The following RUNX1 variants were observed in gnomAD, a reference collection of about 807,000 sequenced individuals.
RUNX1 encodes runt-related transcription factor 1.
Under a neutral mutation model 42.8 loss-of-function variants are expected in RUNX1, and 19 were observed. The ratio of observed to expected loss-of-function variants is 0.44; its 90% CI spans 0.31 to 0.65. The LOEUF (loss-of-function observed/expected upper bound fraction) is 0.65, where lower values mean the gene tolerates loss of function less well. RUNX1 is among the 30% of genes least tolerant of loss of function. The pLI, the probability that RUNX1 is intolerant of heterozygous loss-of-function variation, is 0.07. For missense variants in RUNX1, 528 were observed against 672.0 expected (o/e 0.79, Z 2.37); for synonymous variants, 271 against 289.4 (o/e 0.94, Z 0.64).
intron 2 of RUNX1, among the ~76,000 whole-genome samples, chr21:34,997,764 G>A (rs1421309624): frequency 6.6e-6 from 1 of 152,222 alleles, no homozygotes; most frequent in Non-Finnish European, 1.5e-5. Context: ...TTGGAGCTTA[G>A]TGCAGAAGGG....
At chr21:34,827,779 C>A (rs1041359710) in intron 7 of RUNX1, among the ~76,000 whole-genome samples, 2 of 152,200 alleles carry the variant, frequency 1.3e-5, no homozygotes, top group Non-Finnish European at 2.9e-5. Context: ...CCTTGATGGT[C>A]TCTATGTGGT....
At chr21:34,884,563 A>G (rs946530414) in intron 4 of RUNX1, among the ~76,000 whole-genome samples, 4 of 152,238 alleles carry the variant, frequency 2.6e-5, no homozygotes, top group Admixed American at 2.0e-4. Flanking sequence ...GTGGGCAGAT[A>G]GAGTGAAGCC....
chr21:34,821,445 T>A, intron 7 of RUNX1: 3 of 1,362,312 alleles, frequency 2.2e-6, no homozygotes, highest in Non-Finnish European at 2.9e-6. Context: ...GCTAACTCAT[T>A]TAATCCTCAC....
chr21:34,856,896 T>C (rs1276929229), intron 6 of RUNX1, among the ~76,000 whole-genome samples: 1 of 152,208 alleles, frequency 6.6e-6, no homozygotes, highest in Non-Finnish European at 1.5e-5. Context: ...TATGTTACAC[T>C]GGAAAGCAAC....
intron 2 of RUNX1, among the ~76,000 whole-genome samples, chr21:35,029,532 G>A (rs930434219): frequency 2.0e-5 from 3 of 152,170 alleles, no homozygotes; most frequent in Admixed American, 6.5e-5. Context: ...GGTTGGTGCT[G>A]GCAACCTACA....
rs2146407273 is a variant in RUNX1 at position 34,886,823 on chromosome 21, C to T, written c.351+20G>A. 6.2e-7 allele frequency: 1 copy of T among 1,612,378 alleles called. No individual in the cohort carries two copies. The highest frequency in any genetic ancestry group is 8.5e-7 in the Non-Finnish European group (1 of 1,179,724). ...CGCCGGCCTCCGCCTGTCCTCCCAC[C>T]ACCCTCTCCGGGCCAGTACCTTGAA... On this transcript the variant is annotated intron_variant, in intron 4 of 8. Transcript: ENST00000675419.
At chr21:34,999,872 A>C (rs1601656385) in intron 2 of RUNX1, among the ~76,000 whole-genome samples, 1 of 152,200 alleles carries the variant, frequency 6.6e-6, no homozygotes, top group Non-Finnish European at 1.5e-5. Context: ...ATTCAACAGA[A>C]AGGAACCTGC....
Position 34,919,546 on chromosome 21 carries a change from C to T in RUNX1, c.59-26583G>A, listed in dbSNP as rs558063606. ...CCTTTTGCTGCAATAAGTCTGGGGG[C>T]TTCACTCACTCCTTAGTGGCTTATT... On this transcript the variant is annotated intron_variant, in intron 2 of 8. Coordinates refer to ENST00000675419, the MANE Select transcript of RUNX1 (RefSeq NM_001754.5). 7.2e-4 allele frequency among the ~76,000 whole-genome samples: 110 copies of T among 152,304 alleles called. 1 individual carries two copies. Among genetic ancestry groups the T allele is most frequent in the African/African-American group, 2.2e-3 (92 of 41,560 alleles).
chr21:34,932,263 T>C (rs575070193), intron 2 of RUNX1, among the ~76,000 whole-genome samples: 4 of 152,326 alleles, frequency 2.6e-5, no homozygotes, highest in Non-Finnish European at 4.4e-5. Context: ...AATAAATTAA[T>C]GAATGAATGA....
chr21:34,842,704 C>T (rs901994031), intron 6 of RUNX1, among the ~76,000 whole-genome samples: 6 of 152,060 alleles, frequency 3.9e-5, no homozygotes, highest in African/African-American at 1.4e-4. Context: ...AGATGGCACA[C>T]ATGCACACAC....
At chr21:34,854,691 A>G (rs2057472373) in intron 6 of RUNX1, among the ~76,000 whole-genome samples, 2 of 152,172 alleles carry the variant, frequency 1.3e-5, no homozygotes, top group African/African-American at 4.8e-5. Flanking sequence ...TATGGATGCT[A>G]GAAGCCCCAC....
intron 7 of RUNX1, among the ~76,000 whole-genome samples, chr21:34,815,316 G>T (rs2056810408): frequency 6.6e-6 from 1 of 152,162 alleles, no homozygotes; most frequent in Admixed American, 6.5e-5. Context: ...CATCCATTCA[G>T]CTGAAAATTA....
intron 2 of RUNX1, among the ~76,000 whole-genome samples, chr21:34,926,628 T>A (rs2058397212): frequency 6.6e-6 from 1 of 151,644 alleles, no homozygotes; most frequent in Non-Finnish European, 1.5e-5. Flanking sequence ...TGTGTTTTTC[T>A]AAAGCTCTTT....
chr21:34,889,674 C>A, intron 3 of RUNX1: 2 of 1,155,252 alleles, frequency 1.7e-6, no homozygotes, highest in Non-Finnish European at 2.2e-6. Context: ...GTGCGGAACC[C>A]ACCCCGGCTT....
Position 34,848,136 on chromosome 21 carries a change from C to T in RUNX1, c.613+11338G>A, listed in dbSNP as rs140655323. Among the ~76,000 whole-genome samples, 332 of 152,294 alleles carry T rather than the reference C, an allele frequency of 2.2e-3. 3 individuals are homozygous for T. Among genetic ancestry groups the T allele is most frequent in the Admixed American group, 2.2e-3 (33 of 15,304 alleles). ...CTAACATGAATTATTTTATTCAATCCGCACAATAATCCCCAACAGAGGGAT... is the reference window on the plus strand; with the variant it reads ...CTAACATGAATTATTTTATTCAATCTGCACAATAATCCCCAACAGAGGGAT... On this transcript the variant is annotated intron_variant, in intron 6 of 8. Coordinates refer to ENST00000675419, the MANE Select transcript of RUNX1 (RefSeq NM_001754.5).
intron 2 of RUNX1, among the ~76,000 whole-genome samples, chr21:34,979,713 T>G (rs1415554568): frequency 6.6e-6 from 1 of 152,258 alleles, no homozygotes; most frequent in African/African-American, 2.4e-5. Flanking sequence ...ACGTCTGTTT[T>G]AAAGTCATGT....
At chr21:34,903,882 C>A (rs913858688) in intron 2 of RUNX1, among the ~76,000 whole-genome samples, 1 of 152,006 alleles carries the variant, frequency 6.6e-6, no homozygotes, top group African/African-American at 2.4e-5. Context: ...TAAAAAATAG[C>A]TGGAAAAAGC....
intron 2 of RUNX1, among the ~76,000 whole-genome samples, chr21:35,002,784 T>C (rs1244077100): frequency 6.6e-6 from 1 of 152,138 alleles, no homozygotes; most frequent in Non-Finnish European, 1.5e-5. Flanking sequence ...GGTCAGGAAG[T>C]TTTATGTTTG....
At chr21:34,962,523 C>T (rs1331512142) in intron 2 of RUNX1, among the ~76,000 whole-genome samples, 4 of 152,134 alleles carry the variant, frequency 2.6e-5, no homozygotes, top group Non-Finnish European at 5.9e-5. Context: ...AAGATTTTTC[C>T]CTTCTATTTT....
Sources: gnomAD v4.1 joint callset for allele counts (sites outside exome capture counted in the v4.1 genomes callset) on GRCh38, gnomAD v4.1.1 for gene constraint, MANE v1.5 for transcripts, NCBI Gene and HGNC (gene_info 2026-07-23, HGNC 2026-07-21) for gene names.